MAMDC2: variants seen among roughly 807,000 people sequenced by gnomAD.
MAMDC2 encodes MAM domain containing 2.
In MAMDC2, 57 loss-of-function variants were observed where a neutral mutation model predicts 89.8. That is an observed-to-expected ratio of 0.63 (90% confidence interval 0.51 to 0.79). The LOEUF (loss-of-function observed/expected upper bound fraction) is 0.79, where lower values mean the gene tolerates loss of function less well. Among genes scored for constraint, MAMDC2 ranks in the 30% least tolerant of loss-of-function variants. The pLI, the probability that MAMDC2 is intolerant of heterozygous loss-of-function variation, is 0.00. For missense variants in MAMDC2, 800 were observed against 820.6 expected (o/e 0.97, Z 0.31); for synonymous variants, 313 against 293.4 (o/e 1.07, Z -0.68).
chr9:70,142,813 G>A (rs1302146151), intron 8 of MAMDC2, among the ~76,000 whole-genome samples: 1 of 152,070 alleles, frequency 6.6e-6, no homozygotes, highest in Non-Finnish European at 1.5e-5. Context: ...GACAGGAGGA[G>A]GAGCAGAAAA....
At chr9:70,219,021 A>G (rs1437789766) in intron 12 of MAMDC2, among the ~76,000 whole-genome samples, 1 of 152,124 alleles carries the variant, frequency 6.6e-6, no homozygotes, top group Non-Finnish European at 1.5e-5. Context: ...AACAGTGAGC[A>G]TGGTCCAGAG....
rs71364576 is a variant in MAMDC2 at position 70,051,888 on chromosome 9, G to GAGATAGATAGAT, written c.148+7219_148+7230dup. ...ATCTATTTACCTATCTAGATAGATAGAGATAGATAGATAGATAGATAGATA... is the reference window on the plus strand; with the variant it reads ...ATCTATTTACCTATCTAGATAGATAGAGATAGATAGATAGATAGATAGATAGATAGATAGATA... On this transcript the variant is annotated intron_variant, in intron 2 of 13. Transcript: ENST00000377182. 1.8e-3 allele frequency among the ~76,000 whole-genome samples: 270 copies of GAGATAGATAGAT among 148,906 alleles called. 2 individuals carry two copies. The highest frequency in any genetic ancestry group is 3.4e-3 in the Middle Eastern group (1 of 290).
At chr9:70,088,125 A>G (rs187981823) in intron 2 of MAMDC2, among the ~76,000 whole-genome samples, 10 of 152,178 alleles carry the variant, frequency 6.6e-5, no homozygotes, top group Admixed American at 6.5e-4. Flanking sequence ...GACAACCCCA[A>G]TCTCTCTGCC....
intron 9 of MAMDC2, among the ~76,000 whole-genome samples, chr9:70,162,207 A>G (rs969506436): frequency 5.3e-5 from 8 of 152,188 alleles, no homozygotes; most frequent in Admixed American, 1.3e-4. Flanking sequence ...AAAGGCAGTG[A>G]AAAAATATTT....
In MAMDC2 at chr9:70,098,073, A is replaced by C. The variant is rs1283267366; in HGVS notation, c.149-10138A>C. ...GATATGAAGTACCTTGTTGTCTGGC[A>C]ACTGGGGGCCCATATACTTTATGGA... On this transcript the variant is annotated intron_variant, in intron 2 of 13. Transcript: ENST00000377182. 2.0e-5 allele frequency among the ~76,000 whole-genome samples: 3 copies of C among 152,232 alleles called. No individual in the cohort carries two copies. In the East Asian group the frequency reaches 5.8e-4, roughly 29 times the overall value.
intron 10 of MAMDC2, chr9:70,170,170 T>C: frequency 3.3e-6 from 1 of 302,412 alleles, no homozygotes; most frequent in Non-Finnish European, 6.0e-6. Flanking sequence ...GCAATATACC[T>C]ATAATTTCCA....
At chr9:70,096,876 C>T (rs933750974) in intron 2 of MAMDC2, among the ~76,000 whole-genome samples, 39 of 152,122 alleles carry the variant, frequency 2.6e-4, no homozygotes, top group African/African-American at 7.2e-4. Context: ...TTCAAGATCA[C>T]GATGTTGATG....
chr9:70,128,960 C>T (rs115947284), intron 6 of MAMDC2, among the ~76,000 whole-genome samples: 5,031 of 152,276 alleles, frequency 0.033, 269 homozygotes, highest in African/African-American at 0.11. Context: ...GCCAACCAAC[C>T]TTCAGAAAAA....
At chr9:70,153,778 C>A (rs1272686627) in intron 9 of MAMDC2, 1 of 151,980 alleles carries the variant, frequency 6.6e-6, no homozygotes, top group Non-Finnish European at 1.5e-5. Context: ...AGCCCCCATC[C>A]AACCAGTTTT....
chr9:70,076,286 TG>T (rs1827531738), intron 2 of MAMDC2, among the ~76,000 whole-genome samples: 1 of 152,016 alleles, frequency 6.6e-6, no homozygotes, highest in South Asian at 2.1e-4. Context: ...CCGAGTGTGG[TG>T]GCAGGCACCT....
chr9:70,044,279 C>G (rs765241543), intron 1 of MAMDC2, 48 bp downstream of exon 1: 1 of 1,594,968 alleles, frequency 6.3e-7, no homozygotes, highest in Non-Finnish European at 8.6e-7. Flanking sequence ...TGACGACTCG[C>G]CCCCGCTCCT....
At chr9:70,171,456 T>C (rs1217146454) in intron 11 of MAMDC2, among the ~76,000 whole-genome samples, 2 of 152,066 alleles carry the variant, frequency 1.3e-5, no homozygotes, top group Non-Finnish European at 1.5e-5. Context: ...GCCATGTTCA[T>C]GCCATTGCAC....
At chr9:70,204,911 A>G (rs2309643) in intron 11 of MAMDC2, among the ~76,000 whole-genome samples, 138,360 of 152,236 alleles carry the variant, frequency 0.91, 63,089 homozygotes, top group East Asian at 0.98. Flanking sequence ...GCCCTGCTTC[A>G]GCTCGCGCAT....
Position 70,226,612 on chromosome 9 carries a change from A to C in MAMDC2, c.*580A>C, listed in dbSNP as rs1375511322. 1 of 152,534 alleles carries C rather than the reference A, an allele frequency of 6.6e-6. No individual in the cohort carries two copies. The highest frequency in any genetic ancestry group is 2.4e-5 in the African/African-American group (1 of 41,446). The allele number at this position is 152,534 out of a possible 1,614,324, so 9.4% of individuals were successfully genotyped here. On this transcript the variant is annotated 3_prime_UTR_variant, in exon 14 of 14. Coordinates refer to ENST00000377182, the MANE Select transcript of MAMDC2 (RefSeq NM_153267.5). ...TGTGATAACAAAGGATCTTTCATGA[A>C]TGTCCAAGGGTAAGTCAGTATTAAT...
rs748253311 is a variant in MAMDC2, at chr9:70,225,839, T to C, written c.1996+5T>C. On this transcript the variant is annotated splice_donor_5th_base_variant and intron_variant, in intron 13 of 13. Coordinates refer to ENST00000377182, the MANE Select transcript of MAMDC2 (RefSeq NM_153267.5). The stretch of plus-strand genomic sequence containing the variant: ...TTCAGGCAGGACCCTGTGGAGGTAA[T>C]ATTTTTTCCCAATCATATAAGCTTG... The C allele has an allele frequency of 5.0e-6, 8 of 1,598,490 alleles. No individual in the cohort carries two copies. Among genetic ancestry groups the C allele is most frequent in the South Asian group, 1.1e-5 (1 of 90,336 alleles).
At chr9:70,195,047 T>C (rs2032950311) in intron 11 of MAMDC2, among the ~76,000 whole-genome samples, 1 of 152,124 alleles carries the variant, frequency 6.6e-6, no homozygotes, top group African/African-American at 2.4e-5. Context: ...GCTAGCTGTC[T>C]ATTTTCAGGC....
intron 11 of MAMDC2, chr9:70,193,873 C>T (rs562279064): frequency 6.6e-6 from 1 of 152,156 alleles, no homozygotes; most frequent in Admixed American, 6.6e-5. Flanking sequence ...GTCATCTATA[C>T]TTGAAACAAC....
intron 2 of MAMDC2, among the ~76,000 whole-genome samples, chr9:70,098,588 A>G (rs1482787260): frequency 3.3e-5 from 5 of 152,198 alleles, no homozygotes; most frequent in African/African-American, 7.2e-5. Flanking sequence ...GAGAAGCCCA[A>G]ATGAAAGTCC....
chr9:70,218,676 G>C (rs2033496221), intron 12 of MAMDC2, 80 bp downstream of exon 12: 2 of 1,462,854 alleles, frequency 1.4e-6, no homozygotes, highest in African/African-American at 1.4e-5. Flanking sequence ...TGCTACCAAA[G>C]AGAATATTTT....
Sources: allele counts gnomAD v4.1 joint callset (sites outside exome capture counted in the v4.1 genomes callset), GRCh38; gene constraint gnomAD v4.1.1; transcripts MANE v1.5; gene names NCBI Gene and HGNC (gene_info 2026-07-23, HGNC 2026-07-21).